The following CAMTA1 variants were observed in gnomAD, a reference collection of about 807,000 sequenced individuals.
CAMTA1 encodes the protein calmodulin-binding transcription activator 1.
CAMTA1 carries 27 observed loss-of-function variants against 170.9 expected under a neutral mutation model. That is an observed-to-expected ratio of 0.16 (90% CI 0.12 to 0.22). CAMTA1 has a LOEUF of 0.22. Among genes scored for constraint, CAMTA1 ranks in the 10% least tolerant of loss-of-function variants. The probability of loss-of-function intolerance (pLI) is 1.00; values close to 1 mark genes in which losing one functional copy is unlikely to be tolerated. For synonymous variants in CAMTA1, 833 were observed against 891.5 expected, an observed-to-expected ratio of 0.93 and a Z score of 1.17; for missense variants, 1,619 against 2,217.2, an observed-to-expected ratio of 0.73 and a Z score of 5.42.
In CAMTA1 at chr1:7,751,278, T is replaced by C; in HGVS notation, c.4769T>C (p.Phe1590Ser). The change falls in exon 20 of 23, where the codon TTC becomes TCC. Residue 1590 changes from phenylalanine (F) to serine (S), a missense_variant. Phe to Ser is a radical substitution (Grantham distance 155, BLOSUM62 -2). This residue lies in a region of CAMTA1 where 128 missense variants were observed against 213.5 expected (regional missense o/e 0.60). Coordinates refer to ENST00000303635, the MANE Select transcript of CAMTA1 (RefSeq NM_015215.4). ...CGAAGTTACTATGAACAAAAAAAAT[T>C]CCAGCAGAGCCGACGGGCTGCTGTG... ...KFRSYYEQKK[F>S]QQSRRAAVLI... 1 of 1,611,904 alleles carries C rather than the reference T, an allele frequency of 6.2e-7. No homozygotes were observed. The highest frequency in any genetic ancestry group is 8.5e-7 in the Non-Finnish European group (1 of 1,179,544).
chr1:7,046,140 C>T (rs377738472), intron 3 of CAMTA1, among the ~76,000 whole-genome samples: 3 of 152,340 alleles, frequency 2.0e-5, no homozygotes, highest in East Asian at 3.9e-4. Flanking sequence ...AGATCTGCCT[C>T]TGCATATTAA....
intron 1 of CAMTA1, among the ~76,000 whole-genome samples, chr1:6,789,553 TAGA>T (rs1238377196): frequency 2.0e-5 from 3 of 152,224 alleles, no homozygotes; most frequent in Non-Finnish European, 2.9e-5. Flanking sequence ...GAAAAAGCAG[TAGA>T]AGGTGATTCT....
chr1:6,802,410 G>A lies in CAMTA1; in HGVS notation c.45+16835G>A, dbSNP rs935284976. 3.9e-5 allele frequency among the ~76,000 whole-genome samples: 6 copies of A among 151,938 alleles called. No individual in the cohort carries two copies. The South Asian group carries it at 1.3e-3, about 32-fold the overall frequency. On this transcript the variant is annotated intron_variant, in intron 1 of 22. Transcript: ENST00000303635. ...GCCAGGTGATCATCTCACTCTGGTC[G>A]ACTATGAAAGAAGGTTGGTTAGATC...
rs779696243 is a variant in CAMTA1, at chr1:7,443,493, G to A, written c.439-24337G>A. 3.3e-5 allele frequency among the ~76,000 whole-genome samples: 5 copies of A among 152,076 alleles called. No homozygotes were observed. The highest frequency in any genetic ancestry group is 3.2e-3 in the Middle Eastern group (1 of 316). On this transcript the variant is annotated intron_variant, in intron 5 of 22. Coordinates refer to ENST00000303635, the MANE Select transcript of CAMTA1 (RefSeq NM_015215.4). The surrounding 1 kb of genome is among the most constrained non-coding windows in gnomAD (Gnocchi z 4.1). Reference sequence around the variant, plus strand: ...GAATCAGCATTTTCTGGAGACTGGCGCCTGGACCACCTCAGCACAATACCT... The same window carrying A: ...GAATCAGCATTTTCTGGAGACTGGCACCTGGACCACCTCAGCACAATACCT...
At chr1:7,008,072 C>T (rs1316520450) in intron 3 of CAMTA1, among the ~76,000 whole-genome samples, 1 of 152,086 alleles carries the variant, frequency 6.6e-6, no homozygotes, top group Non-Finnish European at 1.5e-5. Flanking sequence ...GTTTCAAGTG[C>T]AGGGAGGTGG....
At chr1:6,926,562 T>TTC (rs1294971908) in intron 3 of CAMTA1, among the ~76,000 whole-genome samples, 1 of 138,906 alleles carries the variant, frequency 7.2e-6, no homozygotes, top group Admixed American at 7.4e-5. Flanking sequence ...CCTTCCTTCT[T>TTC]TCTCTCTCTC....
rs1047725286 is a variant in CAMTA1 at position 6,971,670 on chromosome 1, C to G, written c.235-119634C>G. 6.6e-6 allele frequency among the ~76,000 whole-genome samples: 1 copy of G among 152,170 alleles called. No individual in the cohort carries two copies. Among genetic ancestry groups the G allele is most frequent in the Non-Finnish European group, 1.5e-5 (1 of 68,026 alleles). On this transcript the variant is annotated intron_variant, in intron 3 of 22. Transcript: ENST00000303635. The surrounding 1 kb of genome is among the most constrained non-coding windows in gnomAD (Gnocchi z 4.6). Reference sequence around the variant, plus strand: ...CTGATTTGGGGCAGGATAATGGTGTCTGTGGCTGGGATAAAAACCCCCATG... The same window carrying G: ...CTGATTTGGGGCAGGATAATGGTGTGTGTGGCTGGGATAAAAACCCCCATG...
intron 3 of CAMTA1, chr1:6,888,335 G>A (rs1275005109): frequency 1.3e-6 from 1 of 790,134 alleles, no homozygotes; most frequent in Non-Finnish European, 1.5e-6. Flanking sequence ...TGAAGTAACT[G>A]GAAGCCTAGT....
intron 4 of CAMTA1, among the ~76,000 whole-genome samples, chr1:7,184,946 A>T (rs987521595): frequency 6.6e-6 from 1 of 152,220 alleles, no homozygotes; most frequent in African/African-American, 2.4e-5. Context: ...AAAGAAAAAT[A>T]TATGGCTACT....
intron 2 of CAMTA1, among the ~76,000 whole-genome samples, chr1:6,821,451 T>C (rs1427328873): frequency 6.6e-6 from 1 of 152,176 alleles, no homozygotes; most frequent in East Asian, 1.9e-4. Context: ...ACATAATAAT[T>C]AGAGCTAAAC....
At chr1:7,493,362 AAC>A (rs58388453) in intron 6 of CAMTA1, among the ~76,000 whole-genome samples, 3,768 of 102,664 alleles carry the variant, frequency 0.037, 267 homozygotes, top group African/African-American at 0.14. Context: ...CAAACATACA[AAC>A]ACACGTGCGC....
intron 6 of CAMTA1, among the ~76,000 whole-genome samples, chr1:7,495,348 T>C (rs929893180): frequency 2.0e-5 from 3 of 152,106 alleles, no homozygotes; most frequent in African/African-American, 7.2e-5. Context: ...TTCTGGGGGC[T>C]TTGTGAGGAG....
chr1:7,484,337 G>A (rs1209923938), intron 6 of CAMTA1, among the ~76,000 whole-genome samples: 2 of 152,214 alleles, frequency 1.3e-5, no homozygotes, highest in African/African-American at 4.8e-5. Flanking sequence ...GCAAGGTCAG[G>A]CCCTGGGTGT....
chr1:7,686,957 C>G (rs2096264011), intron 11 of CAMTA1, among the ~76,000 whole-genome samples: 1 of 151,916 alleles, frequency 6.6e-6, no homozygotes, highest in Non-Finnish European at 1.5e-5. Flanking sequence ...GCAGCAAACC[C>G]AAGGGGATAG....
chr1:7,107,401 A>G (rs1643713812), intron 4 of CAMTA1, among the ~76,000 whole-genome samples: 1 of 152,010 alleles, frequency 6.6e-6, no homozygotes, highest in African/African-American at 2.4e-5. Context: ...CAGCATTTGT[A>G]CGGGTGAATT....
At chr1:7,046,771 C>G (rs966156220) in intron 3 of CAMTA1, among the ~76,000 whole-genome samples, 4 of 152,120 alleles carry the variant, frequency 2.6e-5, no homozygotes, top group Admixed American at 2.6e-4. Flanking sequence ...ATTCTTTGAG[C>G]CTTGATTTTT....
intron 3 of CAMTA1, among the ~76,000 whole-genome samples, chr1:7,004,730 T>G (rs1698728379): frequency 6.6e-6 from 1 of 152,206 alleles, no homozygotes; most frequent in African/African-American, 2.4e-5. Flanking sequence ...ATTATACTTT[T>G]TCAATTTTTT....
At chr1:7,602,967 G>C (rs2095458621) in intron 6 of CAMTA1, among the ~76,000 whole-genome samples, 1 of 152,198 alleles carries the variant, frequency 6.6e-6, no homozygotes, top group Admixed American at 6.5e-5. Flanking sequence ...GAGTGGTTTT[G>C]AGTGAGTTTC....
At chr1:7,016,891 TTAG>T (rs1180325756) in intron 3 of CAMTA1, among the ~76,000 whole-genome samples, 1 of 151,970 alleles carries the variant, frequency 6.6e-6, no homozygotes, top group African/African-American at 2.4e-5. Context: ...CTGTATTCTG[TTAG>T]TAGCCGAGAC....
Sources: allele counts gnomAD v4.1 joint callset (sites outside exome capture counted in the v4.1 genomes callset), GRCh38; gene constraint gnomAD v4.1.1; regional missense constraint gnomAD v4.1.1; non-coding constraint Gnocchi (gnomAD v3.1); transcripts MANE v1.5; gene names NCBI Gene and HGNC (gene_info 2026-07-23, HGNC 2026-07-21).